NACA: variants seen among roughly 807,000 people sequenced by gnomAD.
NACA encodes the protein nascent polypeptide-associated complex subunit alpha.
A neutral mutation model predicts 86.4 loss-of-function variants in NACA; 42 were observed. The ratio of observed to expected loss-of-function variants is 0.49; its 90% CI spans 0.38 to 0.63. The LOEUF (loss-of-function observed/expected upper bound fraction) is 0.63. Ranked by LOEUF, NACA falls within the 20% of genes least tolerant of loss-of-function variation. The probability of loss-of-function intolerance (pLI) is 0.00; values close to 1 mark genes in which losing one functional copy is unlikely to be tolerated. For synonymous variants in NACA, 898 were observed against 973.7 expected (o/e 0.92, Z 1.45); for missense variants, 2,157 against 2,483.6 (o/e 0.87, Z 2.80).
Position 56,716,804 on chromosome 12 carries a change from A to T in NACA, c.4726T>A (p.Ser1576Thr). Residue 1576 changes from serine to threonine, a missense_variant, in exon 3 of 9, where the codon TCC becomes ACC. By Grantham distance (58) the Ser-to-Thr change is moderately conservative (BLOSUM62 1). This residue lies in a region of NACA where 797 missense variants were observed against 777.6 expected (regional missense o/e 1.02). Transcript: ENST00000454682. ...GCTGGGGGACTGGAGGCCTCTTTGG[A>T]GGATGGGGTAGCTGGGGCTTCTTTG... Reference protein sequence around the residue: ...TPKEAPATPSSKEASSPPAVT... With the variant: ...TPKEAPATPSTKEASSPPAVT... The T allele has an allele frequency of 9.0e-7, 1 of 1,116,572 alleles. No individual in the cohort carries two copies. Among genetic ancestry groups the T allele is most frequent in the East Asian group, 4.5e-5 (1 of 22,266 alleles). 69.2% of individuals were successfully genotyped at this position (1,116,572 alleles called of 1,614,324 possible). A position where few individuals can be genotyped will look rare whatever the true frequency, so the allele number is the denominator to read the frequency against.
At position 56,712,918 on chromosome 12, in the gene NACA, G is replaced by T. The variant is rs1592308035; in HGVS notation, c.6100-10C>A. 5.6e-6 allele frequency: 9 copies of T among 1,614,072 alleles called. No homozygotes were observed. The highest frequency in any genetic ancestry group is 1.7e-4 in the Middle Eastern group (1 of 6,060). ...CACCTGTTTCATCGACCTGAGAGATGAGAGGGAAAAAGCAGTAAATTAAAG... is the reference window on the plus strand; with the variant it reads ...CACCTGTTTCATCGACCTGAGAGATTAGAGGGAAAAAGCAGTAAATTAAAG... On this transcript the variant is annotated splice_polypyrimidine_tract_variant and intron_variant, in intron 7 of 8. Transcript: ENST00000454682.
rs749549995 is a variant in NACA at position 56,719,628 on chromosome 12, C to G, written c.1902G>C (p.Pro634=). Residue 634 remains proline (P), a synonymous_variant, in exon 3 of 9, where the codon CCG becomes CCC. Transcript: ENST00000454682. The part of the protein sequence containing the change: ...DSYAGPDSAG[P]LLKSSLITPT... The stretch of plus-strand genomic sequence containing the variant: ...GGGTAATGAGAGAACTTTTGAGAAG[C>G]GGACCAGCAGAGTCTGGGCCTGCAT... The G allele has an allele frequency of 6.2e-7, 1 of 1,613,718 alleles. No individual in the cohort carries two copies. The highest frequency in any genetic ancestry group is 2.2e-5 in the East Asian group (1 of 44,890).
chr12:56,715,523 G>A (rs577007618), intron 3 of NACA, among the ~76,000 whole-genome samples: 4 of 152,256 alleles, frequency 2.6e-5, no homozygotes, highest in African/African-American at 9.6e-5. Context: ...AGGTTAGTTA[G>A]TGATGTGGTA....
In NACA at chr12:56,720,015, G is replaced by A; in HGVS notation, c.1515C>T (p.Val505=). The A allele has an allele frequency of 6.2e-7, 1 of 1,613,880 alleles. No homozygotes were observed. The highest frequency in any genetic ancestry group is 8.5e-7 in the Non-Finnish European group (1 of 1,179,854). ...TQVATTLRIP[V]SPPLPDPEDL... The stretch of plus-strand genomic sequence containing the variant: ...CTTCAGGGTCTGGCAGAGGAGGAGA[G>A]ACTGGTATCCTCAGAGTGGTTGCTA... The change falls in exon 3 of 9, where the codon GTC becomes GTT. Residue 505 remains valine, a synonymous_variant. Coordinates refer to ENST00000454682, the MANE Select transcript of NACA (RefSeq NM_001365896.1).
chr12:56,713,503 G>A (rs758642072), intron 6 of NACA, 34 bp downstream of exon 6: 5 of 1,609,432 alleles, frequency 3.1e-6, no homozygotes, highest in African/African-American at 1.3e-5. Flanking sequence ...GAGAAACCCT[G>A]GTCTGGAACA....
chr12:56,714,805 G>A, intron 3 of NACA, 118 bp from the exon 4 acceptor site: 1 of 908,362 alleles, frequency 1.1e-6, no homozygotes, highest in Non-Finnish European at 1.7e-6. Context: ...AATGTTAAAT[G>A]TAAACCAACT....
Position 56,721,296 on chromosome 12 carries a change from T to C in NACA, c.234A>G (p.Leu78=). The C allele has an allele frequency of 6.2e-7, 1 of 1,610,354 alleles. No homozygotes were observed. Among genetic ancestry groups the C allele is most frequent in the Non-Finnish European group, 8.5e-7 (1 of 1,179,052 alleles). Residue 78 remains leucine (L), a synonymous_variant, in exon 3 of 9, where the codon TTA becomes TTG. Coordinates refer to ENST00000454682, the MANE Select transcript of NACA (RefSeq NM_001365896.1). ...PSPSTIASTP[L]EVPFPQSSSG... ...AGGATGACTGGGGAAAAGGAACTTC[T>C]AAAGGGGTCGAGGCAATAGTAGAGG...
chr12:56,714,790 C>T, intron 3 of NACA, 103 bp from the exon 4 acceptor site: 1 of 1,045,438 alleles, frequency 9.6e-7, no homozygotes, highest in Non-Finnish European at 1.5e-6. Context: ...CATGCTAGAC[C>T]TAAGAATGTT....
At chr12:56,722,454 C>G (rs575166407) in intron 2 of NACA, among the ~76,000 whole-genome samples, 11 of 152,176 alleles carry the variant, frequency 7.2e-5, no homozygotes. Context: ...CTTCGGGATG[C>G]CTGGGAGGGC....
intron 6 of NACA, 57 bp downstream of exon 6, chr12:56,713,480 C>T (rs1402395754): frequency 6.3e-6 from 10 of 1,577,658 alleles, no homozygotes; most frequent in East Asian, 4.5e-5. Context: ...AAAATGTCAG[C>T]AGTGCTGAGG....
Position 56,716,512 on chromosome 12 carries a change from G to T in NACA, c.5018C>A (p.Pro1673Gln). ...ATVPQASKGL[P>Q]AKKGPTALKE... ...CAGAGCTGTGGGGCCTTTCTTTGCTGGAAGCCCTTTAGATGCTTGAGGAAC... is the reference window on the plus strand; with the variant it reads ...CAGAGCTGTGGGGCCTTTCTTTGCTTGAAGCCCTTTAGATGCTTGAGGAAC... The change falls in exon 3 of 9, where the codon CCA (proline) becomes CAA (glutamine). Residue 1673 changes from proline to glutamine, a missense_variant. Transcript: ENST00000454682. 2 of 1,500,116 alleles carry T rather than the reference G, an allele frequency of 1.3e-6. No individual in the cohort carries two copies. Among genetic ancestry groups the T allele is most frequent in the Middle Eastern group, 1.8e-4 (1 of 5,540 alleles). 92.9% of individuals were successfully genotyped at this position (1,500,116 alleles called of 1,614,324 possible).
intron 5 of NACA, 21 bp from the exon 6 acceptor site, chr12:56,713,704 T>C: frequency 6.2e-7 from 1 of 1,612,070 alleles, no homozygotes; most frequent in Non-Finnish European, 8.5e-7. Context: ...GAAAATAGTA[T>C]CAGGTTTTCA....
Position 56,719,396 on chromosome 12 carries a change from G to A in NACA, c.2134C>T (p.Pro712Ser), listed in dbSNP as rs1220817286. The A allele has an allele frequency of 6.2e-7, 1 of 1,611,876 alleles. No individual in the cohort carries two copies. Among genetic ancestry groups the A allele is most frequent in the Non-Finnish European group, 8.5e-7 (1 of 1,179,122 alleles). Residue 712 changes from proline (P) to serine (S), a missense_variant, in exon 3 of 9, where the codon CCA becomes TCA. By Grantham distance (74) the Pro-to-Ser change is moderately conservative (BLOSUM62 -1). This residue lies in a region of NACA where 947 missense variants were observed against 917.9 expected (regional missense o/e 1.03). Transcript: ENST00000454682. ...GGAGCACAGGTATTCTGGGGGGATG[G>A]AGCCACAGGGCAATTTTCTGAAGCT... ...PTASENCPVA[P>S]SPQNTCAPLA...
In NACA at chr12:56,716,683, G is replaced by A. The variant is rs1192961356; in HGVS notation, c.4847C>T (p.Pro1616Leu). 1.1e-5 allele frequency: 15 copies of A among 1,421,730 alleles called. No individual in the cohort carries two copies. The South Asian group carries it at 1.6e-4, about 15-fold the overall frequency. 88.1% of individuals were successfully genotyped at this position (1,421,730 alleles called of 1,614,324 possible). A position where few individuals can be genotyped will look rare whatever the true frequency, so the allele number is the denominator to read the frequency against. ...GGGGGATGGAGGAGTCACAGCTGGAGGAGTAGGTGCCTCTTTGGGGGAAGG... is the reference window on the plus strand; with the variant it reads ...GGGGGATGGAGGAGTCACAGCTGGAAGAGTAGGTGCCTCTTTGGGGGAAGG... ...TSPSPKEAPT[P>L]PAVTPPSPEK... Residue 1616 changes from proline (P) to leucine (L), a missense_variant, in exon 3 of 9, where the codon CCT becomes CTT. Pro to Leu is a moderately conservative substitution (Grantham distance 98, BLOSUM62 -3). Around this residue, in one of 8 missense-constraint regions of NACA, gnomAD observed 797 missense variants for 777.6 expected, o/e 1.02. Coordinates refer to ENST00000454682, the MANE Select transcript of NACA (RefSeq NM_001365896.1).
chr12:56,713,453 A>G, intron 6 of NACA, 84 bp downstream of exon 6: 4 of 1,514,444 alleles, frequency 2.6e-6, no homozygotes, highest in Non-Finnish European at 3.6e-6. Flanking sequence ...CTTCCATAAC[A>G]GAGAACTATC....
chr12:56,720,928 C>A lies in NACA; in HGVS notation c.602G>T (p.Gly201Val), dbSNP rs115327810. ...VPSEVVPNPK[G>V]TPSPPCIVST... ...GACTATACATGGAGGGCTGGGGGTG[C>A]CTTTTGGATTAGGGACTACCTCAGA... Residue 201 changes from glycine to valine, a missense_variant, in exon 3 of 9, where the codon GGC (glycine) becomes GTC (valine). By Grantham distance (109) the Gly-to-Val change is moderately radical. Coordinates refer to ENST00000454682, the MANE Select transcript of NACA (RefSeq NM_001365896.1). The A allele has an allele frequency of 5.6e-5, 90 of 1,613,606 alleles. 1 individual carries two copies. Among genetic ancestry groups the A allele is most frequent in the Middle Eastern group, 4.9e-4 (3 of 6,084 alleles).
At chr12:56,713,876 C>CT in intron 5 of NACA, 193 bp from the exon 6 acceptor site, 1 of 592,220 alleles carries the variant, frequency 1.7e-6, no homozygotes, top group South Asian at 2.1e-5. Flanking sequence ...AGGTCTTGCT[C>CT]TGTCGCCCAG....
chr12:56,721,437 G>T lies in NACA; in HGVS notation c.93C>A (p.Ala31=). ...AETAVLPMSS[A]LSVTAALGQP... is the part of the protein sequence containing the mutation. ...GCCCTAAGGCAGCAGTGACACTCAA[G>T]GCTGAAGACATAGGTAGCACAGCTG... Residue 31 remains alanine (A), a synonymous_variant, in exon 3 of 9, where the codon GCC becomes GCA. Transcript: ENST00000454682. The T allele has an allele frequency of 6.6e-7, 1 of 1,522,640 alleles. No individual in the cohort carries two copies. 94.3% of individuals were successfully genotyped at this position (1,522,640 alleles called of 1,614,324 possible). A position where few individuals can be genotyped will look rare whatever the true frequency, so the allele number is the denominator to read the frequency against.
chr12:56,713,043 G>C lies in NACA; in HGVS notation c.6099+19C>G, dbSNP rs372164873. The stretch of plus-strand genomic sequence containing the variant: ...TGCTATACGGCGAGAGTTAAATTAT[G>C]AAAGATTTCCTAGTATACCTCTTCC... On this transcript the variant is annotated intron_variant, in intron 7 of 8. Transcript: ENST00000454682. 2 of 1,613,718 alleles carry C rather than the reference G, an allele frequency of 1.2e-6. No homozygotes were observed. The highest frequency in any genetic ancestry group is 3.3e-5 in the Admixed American group (2 of 59,994).
Sources: gnomAD v4.1 joint callset for allele counts (sites outside exome capture counted in the v4.1 genomes callset) on GRCh38, gnomAD v4.1.1 for gene constraint, gnomAD v4.1.1 regional missense constraint, MANE v1.5 for transcripts, NCBI Gene and HGNC (gene_info 2026-07-23, HGNC 2026-07-21) for gene names.